Variants in PPARGC1A observed in about 807,000 individuals in gnomAD.
PPARGC1A encodes peroxisome proliferator-activated receptor gamma coactivator 1-alpha.
Under a neutral mutation model 88.7 loss-of-function variants are expected in PPARGC1A, and 25 were observed. The observed-to-expected ratio is 0.28, with a 90% CI of 0.21 to 0.39. The LOEUF is 0.39. Ranked by LOEUF, PPARGC1A falls within the 10% of genes least tolerant of loss-of-function variation. The probability of loss-of-function intolerance (pLI) is 1.00; values close to 1 mark genes in which losing one functional copy is unlikely to be tolerated. For synonymous variants in PPARGC1A, 363 were observed against 355.6 expected (o/e 1.02, Z -0.24); for missense variants, 880 against 968.7 (o/e 0.91, Z 1.22).
the PPARGC1A span, among the ~76,000 whole-genome samples, chr4:24,421,936 TA>T: frequency 1.0e-4 from 15 of 149,582 alleles, no homozygotes; most frequent in South Asian, 8.5e-4. Flanking sequence ...AGTTGTTGGT[TA>T]AAAAAAAAAT....
the PPARGC1A span, among the ~76,000 whole-genome samples, chr4:24,160,090 A>G: frequency 6.6e-6 from 1 of 152,134 alleles, no homozygotes; most frequent in Non-Finnish European, 1.5e-5. Context: ...ACAGTCTCAA[A>G]CTCAAATCCC....
the PPARGC1A span, among the ~76,000 whole-genome samples, chr4:24,013,590 G>A: frequency 1.3e-5 from 2 of 152,078 alleles, no homozygotes; most frequent in Non-Finnish European, 2.9e-5. Flanking sequence ...GTACAACATT[G>A]CAAAAGAAGG....
chr4:24,165,499 T>A, the PPARGC1A span, among the ~76,000 whole-genome samples: 1 of 152,212 alleles, frequency 6.6e-6, no homozygotes, highest in Non-Finnish European at 1.5e-5. Flanking sequence ...TTATCACACT[T>A]CCCAGATAAT....
the PPARGC1A span, among the ~76,000 whole-genome samples, chr4:24,293,359 T>G: frequency 2.4e-3 from 1 of 420 alleles, no homozygotes. Flanking sequence ...CCCCACCCCT[T>G]CCTGCACTCC....
intron 2 of PPARGC1A, among the ~76,000 whole-genome samples, chr4:23,879,244 A>G (rs545693553): frequency 1.3e-5 from 2 of 152,310 alleles, no homozygotes; most frequent in South Asian, 4.1e-4. Context: ...TGCCATTCAT[A>G]GAAAAGTCTG....
intron 10 of PPARGC1A, among the ~76,000 whole-genome samples, chr4:23,812,315 G>A (rs1577362701): frequency 6.6e-6 from 1 of 151,930 alleles, no homozygotes; most frequent in East Asian, 1.9e-4. Flanking sequence ...GTCTCTTCAT[G>A]GACAATTTAA....
the PPARGC1A span, among the ~76,000 whole-genome samples, chr4:24,120,959 T>C: frequency 1.3e-5 from 2 of 152,338 alleles, no homozygotes; most frequent in Admixed American, 6.5e-5. Context: ...AGCAAGGTAA[T>C]TGGACTTCTC....
At chr4:23,852,611 T>C (rs1450483961) in intron 2 of PPARGC1A, among the ~76,000 whole-genome samples, 1 of 152,184 alleles carries the variant, frequency 6.6e-6, no homozygotes, top group Non-Finnish European at 1.5e-5. Flanking sequence ...GTATCTTCAC[T>C]ATAAAATAGT....
the PPARGC1A span, among the ~76,000 whole-genome samples, chr4:24,165,570 C>T: frequency 6.6e-6 from 1 of 152,302 alleles, no homozygotes; most frequent in East Asian, 1.9e-4. Flanking sequence ...TCTGTCAGCA[C>T]CACTTTTCCA....
the PPARGC1A span, among the ~76,000 whole-genome samples, chr4:23,967,776 G>A: frequency 4.9e-4 from 74 of 152,136 alleles, no homozygotes; most frequent in African/African-American, 1.8e-3. Flanking sequence ...GGCAGACTCT[G>A]TCTCTGCTCT....
At chr4:23,873,223 A>AAAAAAAAAAAAAAAAAAC (rs1713942808) in intron 2 of PPARGC1A, among the ~76,000 whole-genome samples, 1 of 142,402 alleles carries the variant, frequency 7.0e-6, no homozygotes, top group Non-Finnish European at 1.5e-5. Flanking sequence ...AAAATAAAAA[A>AAAAAAAAAAAAAAAAAAC]TAAAGAAAAA....
chr4:24,104,713 A>C, the PPARGC1A span, among the ~76,000 whole-genome samples: 2 of 152,168 alleles, frequency 1.3e-5, no homozygotes, highest in African/African-American at 4.8e-5. Flanking sequence ...CTGTTTGTAT[A>C]CCTGTGACGA....
chr4:24,415,204 G>A, the PPARGC1A span, among the ~76,000 whole-genome samples: 1 of 151,272 alleles, frequency 6.6e-6, no homozygotes, highest in Admixed American at 6.6e-5. Flanking sequence ...AAAAAGGAAA[G>A]AAAGAAAGAA....
At chr4:24,208,519 G>A in the PPARGC1A span, among the ~76,000 whole-genome samples, 1 of 151,810 alleles carries the variant, frequency 6.6e-6, no homozygotes, top group Non-Finnish European at 1.5e-5. Context: ...AGTTTTGATG[G>A]TTACATGGAA....
the PPARGC1A span, among the ~76,000 whole-genome samples, chr4:24,160,758 C>G: frequency 1.3e-5 from 2 of 152,160 alleles, no homozygotes; most frequent in Non-Finnish European, 2.9e-5. Context: ...GGCCCTGACA[C>G]TTAATATTTG....
At chr4:24,058,076 G>A in the PPARGC1A span, among the ~76,000 whole-genome samples, 1 of 152,200 alleles carries the variant, frequency 6.6e-6, no homozygotes, top group Non-Finnish European at 1.5e-5. Flanking sequence ...GCGAACTCTT[G>A]TACTTTTGGA....
At chr4:24,097,724 T>C in the PPARGC1A span, among the ~76,000 whole-genome samples, 3 of 152,214 alleles carry the variant, frequency 2.0e-5, no homozygotes, top group African/African-American at 7.2e-5. Context: ...TCCAGCACTG[T>C]AGTCATTGTA....
chr4:23,891,405 A>G (rs1253326320), upstream of PPARGC1A, among the ~76,000 whole-genome samples: 2 of 152,246 alleles, frequency 1.3e-5, no homozygotes, highest in African/African-American at 4.8e-5. Context: ...TTTGTAAAGC[A>G]TTATTCTACT....
chr4:24,412,895 G>A, the PPARGC1A span, among the ~76,000 whole-genome samples: 14 of 152,328 alleles, frequency 9.2e-5, 1 homozygote, highest in South Asian at 2.3e-3. Context: ...AGCCTGCAAA[G>A]CATAAAATAT....
Sources: allele counts gnomAD v4.1 joint callset (sites outside exome capture counted in the v4.1 genomes callset), GRCh38; gene constraint gnomAD v4.1.1; transcripts MANE v1.5; gene names NCBI Gene and HGNC (gene_info 2026-07-23, HGNC 2026-07-21).